ZRSR2: variants seen among roughly 807,000 people sequenced by gnomAD.
ZRSR2 encodes the protein U2 small nuclear ribonucleoprotein auxiliary factor 35 kDa subunit-related protein 2.
ZRSR2 carries 3 observed loss-of-function variants against 39.4 expected under a neutral mutation model. The ratio of observed to expected loss-of-function variants is 0.08; its 90% CI spans 0.03 to 0.20. The LOEUF is 0.20. Ranked by LOEUF, ZRSR2 falls within the 10% of genes least tolerant of loss-of-function variation. The pLI, the probability that ZRSR2 is intolerant of heterozygous loss-of-function variation, is 1.00. For missense variants in ZRSR2, 256 were observed against 391.5 expected, an observed-to-expected ratio of 0.65 and a Z score of 2.92; for synonymous variants, 137 against 136.0, an observed-to-expected ratio of 1.01 and a Z score of -0.05.
intron 7 of ZRSR2, 101 bp downstream of exon 7, chrX:15,809,419 C>A: frequency 1.7e-6 from 1 of 581,948 alleles, no homozygotes; most frequent in Non-Finnish European, 2.9e-6. Context: ...TTTCAAATGT[C>A]CGTCATCAGA....
chrX:15,802,494 C>T (rs1343196316), intron 3 of ZRSR2, among the ~76,000 whole-genome samples: 1 of 112,836 alleles, frequency 8.9e-6, no homozygotes, highest in Non-Finnish European at 1.9e-5. Flanking sequence ...AAGTCTCGCT[C>T]TGTCACCCAG....
At chrX:15,801,757 T>G (rs944808899) in intron 3 of ZRSR2, 1 of 111,921 alleles carries the variant, frequency 8.9e-6, no homozygotes, top group African/African-American at 3.2e-5. Flanking sequence ...AGAGAGTAAT[T>G]TTTTTCCTGT....
intron 5 of ZRSR2, among the ~76,000 whole-genome samples, chrX:15,805,164 T>C (rs901559629): frequency 1.8e-5 from 2 of 112,471 alleles, no homozygotes; most frequent in African/African-American, 3.2e-5. Context: ...CCACGATCTT[T>C]GTTTTTTGTA....
At chrX:15,793,261 A>G (rs1469124459) in intron 2 of ZRSR2, among the ~76,000 whole-genome samples, 1 of 110,625 alleles carries the variant, frequency 9.0e-6, no homozygotes, top group African/African-American at 3.3e-5. Context: ...AAATCCTATA[A>G]CAGCTGGTAT....
Position 15,794,470 on chromosome X carries a change from T to C in ZRSR2, c.121+3457T>C, listed in dbSNP as rs1249435159. Among the ~76,000 whole-genome samples the C allele has an allele frequency of 2.7e-5, 3 of 112,104 alleles. No homozygotes were observed. In the East Asian group the frequency reaches 8.3e-4, roughly 31 times the overall value. On this transcript the variant is annotated intron_variant, in intron 2 of 10. Transcript: ENST00000307771. The stretch of plus-strand genomic sequence containing the variant: ...ACACATACTTTGTATGTTATATGTA[T>C]TATATACCATATTCTTATAATAAAG...
intron 7 of ZRSR2, among the ~76,000 whole-genome samples, chrX:15,812,732 A>G (rs1271440904): frequency 8.9e-6 from 1 of 112,141 alleles, no homozygotes; most frequent in Non-Finnish European, 1.9e-5. Flanking sequence ...TAAGTTAGAG[A>G]AAGTAAAGGA....
chrX:15,796,450 GA>G (rs1932463147), intron 2 of ZRSR2, among the ~76,000 whole-genome samples: 1 of 112,056 alleles, frequency 8.9e-6, no homozygotes. Flanking sequence ...AGGTGGCTAT[GA>G]AATTATTGCA....
rs201032496 is a variant in ZRSR2, at chrX:15,803,835, A to G, written c.312+39A>G. 591 of 1,165,597 alleles carry G rather than the reference A, an allele frequency of 5.1e-4. 1 individual carries two copies. The African/African-American group carries it at 7.8e-3, about 15-fold the overall frequency. On this transcript the variant is annotated intron_variant, in intron 4 of 10. Transcript: ENST00000307771. ...CACGTAACTAGTGAACAAACTGATT[A>G]CTTCACCATAATAACTCTCATGAAG...
intron 3 of ZRSR2, 55 bp downstream of exon 3, chrX:15,800,008 T>C (rs1932614550): frequency 2.2e-6 from 2 of 928,355 alleles, no homozygotes; most frequent in Middle Eastern, 5.5e-4. Context: ...TGGAATATTA[T>C]CAACCTTTAC....
intron 2 of ZRSR2, among the ~76,000 whole-genome samples, chrX:15,792,195 GATGGATC>G (rs1932306539): frequency 8.9e-6 from 1 of 111,996 alleles, no homozygotes; most frequent in African/African-American, 3.2e-5. Flanking sequence ...AGCCGAGGCA[GATGGATC>G]ACCTGAGGTC....
intron 6 of ZRSR2, among the ~76,000 whole-genome samples, chrX:15,808,769 G>GCAC (rs757959961): frequency 3.6e-5 from 4 of 109,881 alleles, no homozygotes; most frequent in Admixed American, 2.0e-4. Flanking sequence ...TTATAGGTGT[G>GCAC]CACCACCACG....
chrX:15,792,039 C>A (rs1443995724), intron 2 of ZRSR2, among the ~76,000 whole-genome samples: 2 of 112,363 alleles, frequency 1.8e-5, no homozygotes, highest in African/African-American at 6.4e-5. Flanking sequence ...CTCCTGGCCT[C>A]AAGCAATCCT....
chrX:15,790,660 CCTGGTGCGCGCT>C, intron 1 of ZRSR2, 124 bp downstream of exon 1: 1 of 974,051 alleles, frequency 1.0e-6, no homozygotes, highest in African/African-American at 2.0e-5. Flanking sequence ...TCCATTCCTT[CCTGGTGCGCGCT>C]CTGGTGCCCT....
Position 15,818,578 on chromosome X carries a change from G to C in ZRSR2, c.772-9G>C. 1 of 1,201,085 alleles carries C rather than the reference G, an allele frequency of 8.3e-7. No homozygotes were observed. On this transcript the variant is annotated splice_polypyrimidine_tract_variant and intron_variant, in intron 8 of 10. Transcript: ENST00000307771. ...ATTTTTTATGATAGCATTCTTCATT[G>C]CTCCCTAGGTCAGCTGCAATTTGGA... is the stretch of plus-strand genomic sequence containing the variant.
chrX:15,820,273 G>A lies in ZRSR2; in HGVS notation c.894G>A (p.Gln298=). The stretch of plus-strand genomic sequence containing the variant: ...GATGGTATGCAGGACGACAGCTGCA[G>A]TGTGAATTCTGCCCCGTGACCCGGT... ...NGRWYAGRQL[Q]CEFCPVTRWK... Residue 298 remains glutamine (Q), a synonymous_variant, in exon 10 of 11, where the codon CAG becomes CAA. Transcript: ENST00000307771. 2 of 1,211,980 alleles carry A rather than the reference G, an allele frequency of 1.7e-6. No individual in the cohort carries two copies. Among genetic ancestry groups the A allele is most frequent in the East Asian group, 3.0e-5 (1 of 33,851 alleles).
At chrX:15,795,088 TC>T (rs35705626) in intron 2 of ZRSR2, among the ~76,000 whole-genome samples, 2,373 of 59,226 alleles carry the variant, frequency 0.04, 134 homozygotes, top group African/African-American at 0.13. Context: ...CCTGCACTTT[TC>T]CCCCCCCCCC....
At chrX:15,793,447 C>G (rs1932345954) in intron 2 of ZRSR2, among the ~76,000 whole-genome samples, 1 of 111,843 alleles carries the variant, frequency 8.9e-6, no homozygotes, top group Non-Finnish European at 1.9e-5. Context: ...AGACTAAGCA[C>G]CTGTCTCTGC....
chrX:15,795,892 G>A (rs1050911723), intron 2 of ZRSR2, among the ~76,000 whole-genome samples: 1 of 112,159 alleles, frequency 8.9e-6, no homozygotes, highest in Non-Finnish European at 1.9e-5. Flanking sequence ...GGAGGCCAAG[G>A]CGGGTGGATC....
At chrX:15,817,677 A>G (rs1281518848) in intron 8 of ZRSR2, among the ~76,000 whole-genome samples, 1 of 111,620 alleles carries the variant, frequency 9.0e-6, no homozygotes, top group Non-Finnish European at 1.9e-5. Context: ...ATACCTAGTG[A>G]AGGTACGTGT....
Sources: allele counts gnomAD v4.1 joint callset (sites outside exome capture counted in the v4.1 genomes callset), GRCh38; gene constraint gnomAD v4.1.1; transcripts MANE v1.5; gene names NCBI Gene and HGNC (gene_info 2026-07-23, HGNC 2026-07-21).